Variants in TRPS1 observed in about 807,000 individuals in gnomAD.
The protein encoded by TRPS1 is transcriptional repressor GATA binding 1, also known as zinc finger transcription factor Trps1.
TRPS1 carries 6 observed loss-of-function variants against 101.2 expected under a neutral mutation model. The observed-to-expected ratio is 0.06, with a 90% CI of 0.03 to 0.12. The LOEUF is 0.12. TRPS1 is among the 10% of genes least tolerant of loss of function. The pLI is 1.00. For missense variants in TRPS1, 1,363 were observed against 1,567.0 expected, an observed-to-expected ratio of 0.87 and a Z score of 2.20; for synonymous variants, 578 against 589.8, an observed-to-expected ratio of 0.98 and a Z score of 0.29.
chr8:115,416,416 A>G (rs1020822557), intron 6 of TRPS1, among the ~76,000 whole-genome samples: 4 of 151,320 alleles, frequency 2.6e-5, no homozygotes, highest in Non-Finnish European at 5.9e-5. Context: ...CTAAAAGATT[A>G]CTGAAATCAG....
At chr8:115,508,857 C>G (rs1182884612) in intron 5 of TRPS1, among the ~76,000 whole-genome samples, 1 of 151,974 alleles carries the variant, frequency 6.6e-6, no homozygotes, top group Non-Finnish European at 1.5e-5. Context: ...AAACTTTGAT[C>G]TACTTTCCCT....
intron 5 of TRPS1, among the ~76,000 whole-genome samples, chr8:115,571,530 G>T (rs980378210): frequency 6.6e-6 from 1 of 152,036 alleles, no homozygotes; most frequent in African/African-American, 2.4e-5. Context: ...CCCAGGGATC[G>T]TAGGAATTTT....
At chr8:115,585,164 T>A (rs1219486483) in intron 5 of TRPS1, among the ~76,000 whole-genome samples, 1 of 152,130 alleles carries the variant, frequency 6.6e-6, no homozygotes, top group Non-Finnish European at 1.5e-5. Context: ...GCAGCTAATG[T>A]GGAGGAACTG....
chr8:115,568,392 T>C (rs967904665), intron 5 of TRPS1, among the ~76,000 whole-genome samples: 2 of 152,180 alleles, frequency 1.3e-5, no homozygotes, highest in Admixed American at 1.3e-4. Flanking sequence ...TGTAAATTTT[T>C]CAGCTTTATA....
intron 5 of TRPS1, among the ~76,000 whole-genome samples, chr8:115,435,315 GAAC>G (rs1440136143): frequency 1.3e-5 from 2 of 152,178 alleles, no homozygotes; most frequent in Non-Finnish European, 2.9e-5. Flanking sequence ...TAAGGTGGCA[GAAC>G]AACCTTGGTA....
intron 5 of TRPS1, among the ~76,000 whole-genome samples, chr8:115,473,022 C>T (rs1258845442): frequency 6.6e-6 from 1 of 152,180 alleles, no homozygotes; most frequent in Non-Finnish European, 1.5e-5. Flanking sequence ...TTCCTGTCTT[C>T]TGAGCCTTCC....
At chr8:115,446,169 A>G (rs936239101) in intron 5 of TRPS1, among the ~76,000 whole-genome samples, 4 of 152,130 alleles carry the variant, frequency 2.6e-5, no homozygotes, top group Admixed American at 1.3e-4. Context: ...AGTTCATTCA[A>G]AATGTAAGGA....
chr8:115,498,688 A>T (rs1815228965), intron 5 of TRPS1, among the ~76,000 whole-genome samples: 1 of 152,018 alleles, frequency 6.6e-6, no homozygotes, highest in African/African-American at 2.4e-5. Flanking sequence ...CACAAAGTAA[A>T]GAAAAACAAA....
intron 1 of TRPS1, among the ~76,000 whole-genome samples, chr8:115,652,706 G>A (rs527908054): frequency 6.6e-6 from 1 of 152,246 alleles, no homozygotes; most frequent in South Asian, 2.1e-4. Context: ...TTCCAAGAAT[G>A]GTCCGTAATC....
intron 5 of TRPS1, among the ~76,000 whole-genome samples, chr8:115,440,491 G>A (rs985255006): frequency 6.6e-6 from 1 of 152,174 alleles, no homozygotes; most frequent in Non-Finnish European, 1.5e-5. Context: ...GACCATGTGG[G>A]TCTTACATTC....
chr8:115,582,152 T>C lies in TRPS1; in HGVS notation c.2700+4849A>G, dbSNP rs941274614. On this transcript the variant is annotated intron_variant, in intron 5 of 6. Coordinates refer to ENST00000395715, the MANE Select transcript of TRPS1 (RefSeq NM_014112.5). The stretch of plus-strand genomic sequence containing the variant: ...CAAATCGGGTGAGAAAACAGTTATG[T>C]ACATAAACATTAAGTCAGTGCTACC... Among the ~76,000 whole-genome samples the C allele has an allele frequency of 9.9e-5, 15 of 152,210 alleles. No homozygotes were observed. The East Asian group carries it at 2.9e-3, about 29-fold the overall frequency.
At chr8:115,539,481 G>A (rs1380212391) in intron 5 of TRPS1, among the ~76,000 whole-genome samples, 2 of 152,130 alleles carry the variant, frequency 1.3e-5, no homozygotes, top group Non-Finnish European at 2.9e-5. Flanking sequence ...TAGTTGAAAA[G>A]TAAAGCAATC....
intron 5 of TRPS1, among the ~76,000 whole-genome samples, chr8:115,479,068 G>C (rs754994412): frequency 9.9e-5 from 15 of 151,566 alleles, no homozygotes; most frequent in Non-Finnish European, 2.1e-4. Context: ...ATTTTGGGGG[G>C]AAAAATAATA....
In TRPS1 at chr8:115,535,381, T is replaced by G. The variant is rs1333569232; in HGVS notation, c.2700+51620A>C. ...ATAGCACATATATATAGCATATATA[T>G]AGCACATATATAGCGCATATATATA... On this transcript the variant is annotated intron_variant, in intron 5 of 6. Transcript: ENST00000395715. Among the ~76,000 whole-genome samples the G allele has an allele frequency of 6.3e-5, 9 of 142,946 alleles. No homozygotes were observed. In the Admixed American group the frequency reaches 6.7e-4, roughly 11 times the overall value. 93.8% of individuals were successfully genotyped at this position (142,946 alleles called of 152,430 possible). A position where few individuals can be genotyped will look rare whatever the true frequency, so the allele number is the denominator to read the frequency against.
chr8:115,648,072 A>T (rs1381858541), intron 1 of TRPS1, among the ~76,000 whole-genome samples: 1 of 152,136 alleles, frequency 6.6e-6, no homozygotes, highest in Non-Finnish European at 1.5e-5. Flanking sequence ...ATCTGGCAAG[A>T]GGAAATCAGA....
At chr8:115,502,706 T>C (rs997042231) in intron 5 of TRPS1, among the ~76,000 whole-genome samples, 5 of 152,134 alleles carry the variant, frequency 3.3e-5, no homozygotes, top group African/African-American at 1.2e-4. Flanking sequence ...CTGTTAAAAA[T>C]AGCCAGCCAA....
chr8:115,463,991 A>G (rs1362762134), intron 5 of TRPS1, among the ~76,000 whole-genome samples: 1 of 152,032 alleles, frequency 6.6e-6, no homozygotes, highest in Non-Finnish European at 1.5e-5. Flanking sequence ...TCTCTCCCCA[A>G]TTCCCACTTT....
In TRPS1 at chr8:115,586,835, A is replaced by T. The variant is rs188137887; in HGVS notation, c.2700+166T>A. On this transcript the variant is annotated intron_variant, in intron 5 of 6. Transcript: ENST00000395715. ...GTAAGTGCACAGCACACACAAACACACATGAGTTACTTGCTGCCACTTTGG... is the reference window on the plus strand; with the variant it reads ...GTAAGTGCACAGCACACACAAACACTCATGAGTTACTTGCTGCCACTTTGG... 1.6e-4 allele frequency: 177 copies of T among 1,119,132 alleles called. No individual in the cohort carries two copies. The East Asian group carries it at 3.1e-3, about 20-fold the overall frequency. 69.3% of individuals were successfully genotyped at this position (1,119,132 alleles called of 1,614,324 possible).
chr8:115,512,804 A>G (rs887634734), intron 5 of TRPS1, among the ~76,000 whole-genome samples: 1 of 151,740 alleles, frequency 6.6e-6, no homozygotes, highest in African/African-American at 2.4e-5. Flanking sequence ...TCTTAAATAT[A>G]TATCTTAATG....
Sources: gnomAD v4.1 joint callset for allele counts (sites outside exome capture counted in the v4.1 genomes callset) on GRCh38, gnomAD v4.1.1 for gene constraint, MANE v1.5 for transcripts, NCBI Gene and HGNC (gene_info 2026-07-23, HGNC 2026-07-21) for gene names.